Variants in XRCC4 observed in about 807,000 individuals in gnomAD.
XRCC4 encodes X-ray repair cross complementing 4.
Under a neutral mutation model 39.1 loss-of-function variants are expected in XRCC4, and 28 were observed. The observed-to-expected ratio is 0.72, with a 90% CI of 0.53 to 0.98. XRCC4 has a LOEUF of 0.98. XRCC4 is among the 50% of genes least tolerant of loss of function. The pLI is 0.00. For missense variants in XRCC4, 350 were observed against 376.4 expected, an observed-to-expected ratio of 0.93 and a Z score of 0.58; for synonymous variants, 123 against 126.4, an observed-to-expected ratio of 0.97 and a Z score of 0.18.
intron 7 of XRCC4, among the ~76,000 whole-genome samples, chr5:83,350,538 CAT>C (rs1757048300): frequency 2.7e-5 from 4 of 150,322 alleles, no homozygotes; most frequent in Admixed American, 1.3e-4. Flanking sequence ...ATTTTTTTTT[CAT>C]ATGTTTGTTG....
At chr5:83,222,910 G>A (rs943730588) in intron 6 of XRCC4, among the ~76,000 whole-genome samples, 1 of 151,998 alleles carries the variant, frequency 6.6e-6, no homozygotes, top group Non-Finnish European at 1.5e-5. Flanking sequence ...ACAACACCTG[G>A]CTAATTTTTG....
At chr5:83,136,044 G>A (rs903836006) in intron 3 of XRCC4, among the ~76,000 whole-genome samples, 2 of 152,102 alleles carry the variant, frequency 1.3e-5, no homozygotes, top group Non-Finnish European at 2.9e-5. Flanking sequence ...TTTAGAAACA[G>A]TTATACTTTT....
At chr5:83,181,818 C>T (rs746028987) in intron 3 of XRCC4, among the ~76,000 whole-genome samples, 1 of 152,158 alleles carries the variant, frequency 6.6e-6, no homozygotes, top group East Asian at 1.9e-4. Flanking sequence ...AAACTTGGAC[C>T]TCTGAATAAG....
chr5:83,137,661 G>C (rs1167268287), intron 3 of XRCC4, among the ~76,000 whole-genome samples: 3 of 152,062 alleles, frequency 2.0e-5, no homozygotes, highest in Non-Finnish European at 4.4e-5. Flanking sequence ...TTATTCAACT[G>C]TTTGTCCTCA....
At chr5:83,120,887 T>C (rs572337755) in intron 3 of XRCC4, among the ~76,000 whole-genome samples, 1 of 152,300 alleles carries the variant, frequency 6.6e-6, no homozygotes, top group East Asian at 1.9e-4. Context: ...ATAATCAAGA[T>C]GATAAATCCT....
intron 7 of XRCC4, among the ~76,000 whole-genome samples, chr5:83,262,773 CAACA>C (rs1753796931): frequency 1.3e-5 from 2 of 149,866 alleles, no homozygotes; most frequent in Admixed American, 6.7e-5. Flanking sequence ...GATGCCAAAA[CAACA>C]CACACACCTT....
intron 3 of XRCC4, among the ~76,000 whole-genome samples, chr5:83,167,702 A>G (rs546349923): frequency 9.2e-5 from 14 of 152,344 alleles, no homozygotes; most frequent in African/African-American, 3.4e-4. Context: ...CTCATATCAC[A>G]GGGATCTCAA....
chr5:83,334,326 A>G (rs1256834951), intron 7 of XRCC4, among the ~76,000 whole-genome samples: 1 of 152,188 alleles, frequency 6.6e-6, no homozygotes, highest in Non-Finnish European at 1.5e-5. Context: ...GTAGTGTTAT[A>G]GTTAACTATT....
At chr5:83,192,718 G>A (rs1750768006) in intron 3 of XRCC4, among the ~76,000 whole-genome samples, 1 of 152,088 alleles carries the variant, frequency 6.6e-6, no homozygotes. Context: ...TTCTTAACAA[G>A]ATCTGTGTAC....
intron 3 of XRCC4, among the ~76,000 whole-genome samples, chr5:83,152,661 A>G (rs1748768578): frequency 6.6e-6 from 1 of 151,554 alleles, no homozygotes; most frequent in Non-Finnish European, 1.5e-5. Context: ...AAAGAAATAG[A>G]ACTTCAAATA....
intron 3 of XRCC4, among the ~76,000 whole-genome samples, chr5:83,117,063 C>A (rs897398491): frequency 6.6e-6 from 1 of 152,190 alleles, no homozygotes; most frequent in Admixed American, 6.5e-5. Flanking sequence ...TTCCCTTAGG[C>A]TTTAATTGGC....
chr5:83,294,350 T>C (rs1268045308), intron 7 of XRCC4, among the ~76,000 whole-genome samples: 1 of 152,050 alleles, frequency 6.6e-6, no homozygotes, highest in Non-Finnish European at 1.5e-5. Flanking sequence ...AAAATGTTGG[T>C]ATTTTGAACA....
chr5:83,225,693 G>A (rs956398976), intron 6 of XRCC4, among the ~76,000 whole-genome samples: 1 of 150,838 alleles, frequency 6.6e-6, no homozygotes, highest in Non-Finnish European at 1.5e-5. Context: ...TCTGGTTTCA[G>A]CTTCCAAAAG....
chr5:83,204,790 T>C, intron 5 of XRCC4, 25 bp from the exon 6 acceptor site: 1 of 1,586,610 alleles, frequency 6.3e-7, no homozygotes, highest in South Asian at 1.1e-5. Flanking sequence ...CAGTTATTTA[T>C]AATTCTACCT....
At chr5:83,216,869 G>C (rs190132554) in intron 6 of XRCC4, among the ~76,000 whole-genome samples, 105 of 152,244 alleles carry the variant, frequency 6.9e-4, no homozygotes, top group African/African-American at 2.3e-3. Context: ...TGATGGAACT[G>C]TCCTAAAACT....
In XRCC4 at chr5:83,267,614, T is replaced by C. The variant is rs903053357; in HGVS notation, c.893+8937T>C. On this transcript the variant is annotated intron_variant, in intron 7 of 7. Transcript: ENST00000396027. ...CATGGTAGGAGATGGGAAAGCAAGA[T>C]AGGAGGAATCATGGTCCCTGGACAG... 5.3e-5 allele frequency among the ~76,000 whole-genome samples: 8 copies of C among 152,094 alleles called. No homozygotes were observed. In the South Asian group the frequency reaches 6.2e-4, roughly 12 times the overall value.
At chr5:83,281,398 T>C (rs987565989) in intron 7 of XRCC4, among the ~76,000 whole-genome samples, 1 of 152,202 alleles carries the variant, frequency 6.6e-6, no homozygotes, top group Non-Finnish European at 1.5e-5. Flanking sequence ...TTTCATGAGC[T>C]GCACTTTCCC....
intron 7 of XRCC4, among the ~76,000 whole-genome samples, chr5:83,282,914 A>G (rs565226644): frequency 1.7e-3 from 265 of 152,204 alleles, no homozygotes; most frequent in African/African-American, 6.0e-3. Flanking sequence ...TTATACGACA[A>G]TATATATTTG....
intron 1 of XRCC4, among the ~76,000 whole-genome samples, chr5:83,087,697 G>A (rs749411147): frequency 6.6e-5 from 10 of 151,842 alleles, no homozygotes; most frequent in South Asian, 2.1e-4. Context: ...TGGTCATAGC[G>A]TGTTCATTGT....
Sources: gnomAD v4.1 joint callset for allele counts (sites outside exome capture counted in the v4.1 genomes callset) on GRCh38, gnomAD v4.1.1 for gene constraint, MANE v1.5 for transcripts, NCBI Gene and HGNC (gene_info 2026-07-23, HGNC 2026-07-21) for gene names.